HMX1: variants seen among roughly 807,000 people sequenced by gnomAD.
HMX1 encodes the protein homeobox protein HMX1.
A neutral mutation model predicts 8.9 loss-of-function variants in HMX1; 8 were observed. The observed-to-expected ratio is 0.90, with a 90% confidence interval of 0.53 to 1.63. HMX1 has a LOEUF of 1.63. Ranked by LOEUF, HMX1 falls within the 40% of genes most tolerant of loss-of-function variation. The pLI, the probability that HMX1 is intolerant of heterozygous loss-of-function variation, is 0.00. For missense variants in HMX1, 621 were observed against 558.5 expected, an observed-to-expected ratio of 1.11 and a Z score of -1.13; for synonymous variants, 311 against 283.4, an observed-to-expected ratio of 1.10 and a Z score of -0.98.
chr4:8,871,193 G>A lies in HMX1; in HGVS notation c.394+28C>T, dbSNP rs1392964165. On this transcript the variant is annotated intron_variant, in intron 1 of 1. Coordinates refer to ENST00000400677, the MANE Select transcript of HMX1 (RefSeq NM_018942.3). This position sits in a 1 kb window ranked among gnomAD's most constrained non-coding sequence, Gnocchi z 4.8. ...GGGAGGAAGTCGGGCCCCACCGCCT[G>A]ACCCACCCTCCCCGCGCCCTCACTC... 1.4e-6 allele frequency: 2 copies of A among 1,394,194 alleles called. No homozygotes were observed. The highest frequency in any genetic ancestry group is 1.9e-6 in the Non-Finnish European group (2 of 1,078,842). The allele number at this position is 1,394,194 out of a possible 1,614,324, so 86.4% of individuals were successfully genotyped here. A position where few individuals can be genotyped will look rare whatever the true frequency, so the allele number is the denominator to read the frequency against.
rs1277937824 is a variant in HMX1, at chr4:8,870,878, C to T, written c.394+343G>A. On this transcript the variant is annotated intron_variant, in intron 1 of 1. Transcript: ENST00000400677. This position sits in a 1 kb window ranked among gnomAD's most constrained non-coding sequence, Gnocchi z 4.4. ...CCATTTTCTTTCTCAGCCTCTTTCG[C>T]CTTCTCCTGTATCTTTCCCTATCCT... is the stretch of plus-strand genomic sequence containing the variant. 2.0e-5 allele frequency among the ~76,000 whole-genome samples: 3 copies of T among 149,680 alleles called. No homozygotes were observed. The highest frequency in any genetic ancestry group is 2.0e-4 in the East Asian group (1 of 5,004).
At chr4:8,865,656 A>C (rs1721972054), downstream of HMX1, among the ~76,000 whole-genome samples, 1 of 146,038 alleles carries the variant, frequency 6.8e-6, no homozygotes, top group Non-Finnish European at 1.5e-5. Context: ...CAGTGGGGAG[A>C]GGGGTCAGAA....
rs1722027060 is a variant in HMX1, at chr4:8,867,228, TC to T, written c.*464del. ...ACCCGCGAGAGGGGTAGCACAGCCC[TC>T]CGGGCCGGCCTGCTGTCTGGGTCCC... On this transcript the variant is annotated 3_prime_UTR_variant, in exon 2 of 2. Transcript: ENST00000400677. 1 of 985,580 alleles carries T rather than the reference TC, an allele frequency of 1.0e-6. No individual in the cohort carries two copies. The highest frequency in any genetic ancestry group is 6.1e-5 in the Admixed American group (1 of 16,280). 61.1% of individuals were successfully genotyped at this position (985,580 alleles called of 1,614,324 possible).
chr4:8,867,268 T>G lies in HMX1; in HGVS notation c.*425A>C. ...TGTCTGGGTCCCAGGAAAGGGACGT[T>G]TAGTGTTGGGGGCAGTCTGTGGGGA... is the stretch of plus-strand genomic sequence containing the variant. On this transcript the variant is annotated 3_prime_UTR_variant, in exon 2 of 2. Transcript: ENST00000400677. 1 of 986,156 alleles carries G rather than the reference T, an allele frequency of 1.0e-6. No homozygotes were observed. Among genetic ancestry groups the G allele is most frequent in the Non-Finnish European group, 1.2e-6 (1 of 830,534 alleles). 61.1% of individuals were successfully genotyped at this position (986,156 alleles called of 1,614,324 possible).
rs1397229606 is a variant in HMX1, at chr4:8,853,426, G to A, written c.395-7102C>T. Among the ~76,000 whole-genome samples, 6 of 152,294 alleles carry A rather than the reference G, an allele frequency of 3.9e-5. No individual in the cohort carries two copies. The highest frequency in any genetic ancestry group is 2.1e-4 in the South Asian group (1 of 4,820). On this transcript the variant is annotated intron_variant, in intron 1 of 1. Coordinates refer to the HMX1 transcript ENST00000506970. The surrounding 1 kb of genome is among the most constrained non-coding windows in gnomAD (Gnocchi z 4.7). ...TCAAAGATCTATCCAGATGTTGCCC[G>A]CTGCACATCTCATGCTCACTGGTCA...
Position 8,868,410 on chromosome 4 carries a change from G to A in HMX1, c.395-65C>T. 8.3e-7 allele frequency: 1 copy of A among 1,200,522 alleles called. No homozygotes were observed. The highest frequency in any genetic ancestry group is 3.3e-5 in the East Asian group (1 of 30,740). 74.4% of individuals were successfully genotyped at this position (1,200,522 alleles called of 1,614,324 possible). On this transcript the variant is annotated intron_variant, in intron 1 of 1. Coordinates refer to ENST00000400677, the MANE Select transcript of HMX1 (RefSeq NM_018942.3). The surrounding 1 kb of genome is among the most constrained non-coding windows in gnomAD (Gnocchi z 4.6). The stretch of plus-strand genomic sequence containing the variant: ...CTGATTACCAGACTCAATCACTGAG[G>A]CCAGCCGTCCCCACCTTGAGGTCGC...
At position 8,853,229 on chromosome 4, in the gene HMX1, G is replaced by C. The variant is rs981548135; in HGVS notation, c.395-6905C>G. Among the ~76,000 whole-genome samples, 1 of 152,220 alleles carries C rather than the reference G, an allele frequency of 6.6e-6. No homozygotes were observed. The highest frequency in any genetic ancestry group is 6.5e-5 in the Admixed American group (1 of 15,282). On this transcript the variant is annotated intron_variant, in intron 1 of 1. Coordinates refer to the HMX1 transcript ENST00000506970. This position sits in a 1 kb window ranked among gnomAD's most constrained non-coding sequence, Gnocchi z 4.7. ...TCTCACAAACAAATAAATGAGTGAA[G>C]CTGGTAAACCATCCAGGAGGTAGGA...
At chr4:8,857,695 G>A (rs553401376) in intron 1 of HMX1, among the ~76,000 whole-genome samples, 17 of 152,324 alleles carry the variant, frequency 1.1e-4, no homozygotes, top group Admixed American at 1.0e-3. Context: ...GAGTCTGGGG[G>A]TTCGGGAAAC....
rs1283067387 is a variant in HMX1 at position 8,868,259 on chromosome 4, G to C, written c.481C>G (p.Gln161Glu). 2.1e-6 allele frequency: 3 copies of C among 1,446,522 alleles called. No homozygotes were observed. The Admixed American group carries it at 7.9e-5, about 38-fold the overall frequency. 89.6% of individuals were successfully genotyped at this position (1,446,522 alleles called of 1,614,324 possible). Residue 161 changes from glutamine (Q) to glutamate (E), a missense_variant, in exon 2 of 2, where the codon CAG becomes GAG. Physicochemically the swap from Gln to Glu is conservative, Grantham distance 29 (BLOSUM62 2). Coordinates refer to ENST00000400677, the MANE Select transcript of HMX1 (RefSeq NM_018942.3). This position sits in a 1 kb window ranked among gnomAD's most constrained non-coding sequence, Gnocchi z 4.6. The part of the protein sequence containing the change: ...WPRGPGPGAV[Q>E]REAAELAARG... ...GCCGCCAGCTCCGCTGCCTCCCGCTGCACCGCTCCCGGCCCGGGGCCTCGC... is the reference window on the plus strand; with the variant it reads ...GCCGCCAGCTCCGCTGCCTCCCGCTCCACCGCTCCCGGCCCGGGGCCTCGC...
At position 8,848,586 on chromosome 4, in the gene HMX1, C is replaced by T. The variant is rs1721343423; in HGVS notation, c.395-2262G>A. On this transcript the variant is annotated intron_variant, in intron 1 of 1. Coordinates refer to the HMX1 transcript ENST00000506970. This position sits in a 1 kb window ranked among gnomAD's most constrained non-coding sequence, Gnocchi z 4.1. Reference sequence around the variant, plus strand: ...CACAGCATGTGGATGGAGCTGGGCCCATAACTTGGCACTTGCTCCAGGCAT... The same window carrying T: ...CACAGCATGTGGATGGAGCTGGGCCTATAACTTGGCACTTGCTCCAGGCAT... 6.6e-6 allele frequency among the ~76,000 whole-genome samples: 1 copy of T among 152,182 alleles called. No individual in the cohort carries two copies. Among genetic ancestry groups the T allele is most frequent in the Non-Finnish European group, 1.5e-5 (1 of 68,034 alleles).
downstream of HMX1, among the ~76,000 whole-genome samples, chr4:8,866,493 T>C (rs987846467): frequency 6.6e-6 from 1 of 152,126 alleles, no homozygotes; most frequent in Non-Finnish European, 1.5e-5. Flanking sequence ...TGGCCCAGAA[T>C]AGGGGAACGA....
In HMX1 at chr4:8,867,288, T is replaced by TGGGGACAGTCACCGCTCAGCC. The variant is rs1302136939; in HGVS notation, c.*384_*404dup. ...GACGTTTAGTGTTGGGGGCAGTCTG[T>TGGGGACAGTCACCGCTCAGCC]GGGGACAGTCACCGCTCAGCCTTGG... On this transcript the variant is annotated 3_prime_UTR_variant, in exon 2 of 2. Coordinates refer to ENST00000400677, the MANE Select transcript of HMX1 (RefSeq NM_018942.3). 1 of 987,862 alleles carries TGGGGACAGTCACCGCTCAGCC rather than the reference T, an allele frequency of 1.0e-6. No homozygotes were observed. Among genetic ancestry groups the TGGGGACAGTCACCGCTCAGCC allele is most frequent in the African/African-American group, 1.7e-5 (1 of 57,358 alleles). 61.2% of individuals were successfully genotyped at this position (987,862 alleles called of 1,614,324 possible). A position where few individuals can be genotyped will look rare whatever the true frequency, so the allele number is the denominator to read the frequency against.
downstream of HMX1, among the ~76,000 whole-genome samples, chr4:8,866,252 C>T (rs1280285035): frequency 1.3e-5 from 2 of 152,232 alleles, no homozygotes; most frequent in Non-Finnish European, 2.9e-5. Context: ...ACCTTGATTG[C>T]CCCAAGACCA....
In HMX1 at chr4:8,871,140, G is replaced by A. The variant is rs931384208; in HGVS notation, c.394+81C>T. ...AGGATGGCCCAGAACGGGCGGCGAC[G>A]AGCCCGAAGTCCCCCAGCAAATGCG... On this transcript the variant is annotated intron_variant, in intron 1 of 1. Coordinates refer to ENST00000400677, the MANE Select transcript of HMX1 (RefSeq NM_018942.3). The surrounding 1 kb of genome is among the most constrained non-coding windows in gnomAD (Gnocchi z 4.8). 2 of 1,243,318 alleles carry A rather than the reference G, an allele frequency of 1.6e-6. No individual in the cohort carries two copies. Among genetic ancestry groups the A allele is most frequent in the Non-Finnish European group, 2.0e-6 (2 of 980,334 alleles). 77.0% of individuals were successfully genotyped at this position (1,243,318 alleles called of 1,614,324 possible).
At chr4:8,846,877 T>C (rs527427174) in intron 1 of HMX1, among the ~76,000 whole-genome samples, 1 of 152,076 alleles carries the variant, frequency 6.6e-6, no homozygotes, top group South Asian at 2.1e-4. Context: ...TAATTGGCCC[T>C]TCCCCTGATC....
chr4:8,854,272 A>T (rs944874273), intron 1 of HMX1, among the ~76,000 whole-genome samples: 5 of 152,226 alleles, frequency 3.3e-5, no homozygotes, highest in Non-Finnish European at 7.3e-5. Context: ...GGCTGGGCTC[A>T]ATCCCCCAGC....
Position 8,871,711 on chromosome 4 carries a change from G to A in HMX1, c.-97C>T, listed in dbSNP as rs1186430092. 3 of 1,088,590 alleles carry A rather than the reference G, an allele frequency of 2.8e-6. No individual in the cohort carries two copies. Among genetic ancestry groups the A allele is most frequent in the East Asian group, 5.3e-5 (1 of 18,718 alleles). The allele number at this position is 1,088,590 out of a possible 1,614,324, so 67.4% of individuals were successfully genotyped here. A position where few individuals can be genotyped will look rare whatever the true frequency, so the allele number is the denominator to read the frequency against. On this transcript the variant is annotated 5_prime_UTR_variant, in exon 1 of 2. Coordinates refer to ENST00000400677, the MANE Select transcript of HMX1 (RefSeq NM_018942.3). This position sits in a 1 kb window ranked among gnomAD's most constrained non-coding sequence, Gnocchi z 4.8. The stretch of plus-strand genomic sequence containing the variant: ...GGCGCACGCGCGGGCCGGCCCTGGA[G>A]CTGCTACCCGGACCGCTGGCGTCGG...
chr4:8,866,224 C>T (rs936152747), downstream of HMX1, among the ~76,000 whole-genome samples: 4 of 152,202 alleles, frequency 2.6e-5, no homozygotes, highest in Non-Finnish European at 4.4e-5. Context: ...TGCACGCTCT[C>T]CTTGGCCGTC....
chr4:8,860,784 GC>G (rs1199015678), intron 1 of HMX1: 1 of 152,472 alleles, frequency 6.6e-6, no homozygotes, highest in Non-Finnish European at 1.5e-5. Flanking sequence ...TGAGCTCACC[GC>G]CCTTCTCGGG....
Sources: gnomAD v4.1 joint callset for allele counts (sites outside exome capture counted in the v4.1 genomes callset) on GRCh38, gnomAD v4.1.1 for gene constraint, Gnocchi (gnomAD v3.1) non-coding constraint, MANE v1.5 for transcripts, NCBI Gene and HGNC (gene_info 2026-07-23, HGNC 2026-07-21) for gene names.